Variants in SDK1 observed in about 807,000 individuals in gnomAD.
SDK1 encodes the protein protein sidekick-1.
A neutral mutation model predicts 245.5 loss-of-function variants in SDK1; 157 were observed. The ratio of observed to expected loss-of-function variants is 0.64; its 90% confidence interval spans 0.56 to 0.73. The LOEUF (loss-of-function observed/expected upper bound fraction) is 0.73, where lower values mean the gene tolerates loss of function less well. Ranked by LOEUF, SDK1 falls within the 30% of genes least tolerant of loss-of-function variation. SDK1 has a pLI of 0.00. For missense variants in SDK1, 3,583 were observed against 3,002.3 expected (o/e 1.19, Z -4.52); for synonymous variants, 1,647 against 1,278.5 (o/e 1.29, Z -6.15).
intron 1 of SDK1, among the ~76,000 whole-genome samples, chr7:3,476,532 A>AGTTTG (rs946748289): frequency 6.6e-6 from 1 of 152,202 alleles, no homozygotes; most frequent in Non-Finnish European, 1.5e-5. Context: ...ATTACCAAAA[A>AGTTTG]GTTTGGGGTC....
intron 1 of SDK1, among the ~76,000 whole-genome samples, chr7:3,562,779 C>G (rs548564913): frequency 2.0e-5 from 3 of 152,194 alleles, no homozygotes; most frequent in South Asian, 4.1e-4. Flanking sequence ...CCAATTGTCA[C>G]TCACACGTGA....
chr7:4,139,499 G>GTGTA (rs1779349871), intron 28 of SDK1, among the ~76,000 whole-genome samples: 2 of 141,452 alleles, frequency 1.4e-5, no homozygotes, highest in Non-Finnish European at 1.5e-5. Context: ...ATATATGTGT[G>GTGTA]TGTGTATATG....
intron 1 of SDK1, among the ~76,000 whole-genome samples, chr7:3,332,460 G>A (rs1562419832): frequency 6.6e-6 from 1 of 152,086 alleles, no homozygotes; most frequent in Non-Finnish European, 1.5e-5. Flanking sequence ...CTTAAAAATT[G>A]CCCTTTTTCA....
intron 2 of SDK1, among the ~76,000 whole-genome samples, chr7:3,632,635 C>G (rs957129710): frequency 6.6e-6 from 1 of 152,166 alleles, no homozygotes; most frequent in Admixed American, 6.5e-5. Context: ...GATTAAATAA[C>G]TTTTACAAAT....
At position 4,187,214 on chromosome 7, in the gene SDK1, C is replaced by T. The variant is rs572103585; in HGVS notation, c.5098+8628C>T. Among the ~76,000 whole-genome samples the T allele has an allele frequency of 3.2e-4, 49 of 152,216 alleles. 1 individual carries two copies. In the South Asian group the frequency reaches 9.9e-3, roughly 31 times the overall value. On this transcript the variant is annotated intron_variant, in intron 35 of 44. Transcript: ENST00000404826. Reference sequence around the variant, plus strand: ...CTGAGGGAGTGGGGAGGGCTGGGTCCCATGTGGGGGTAAACCTCCATAGTT... The same window carrying T: ...CTGAGGGAGTGGGGAGGGCTGGGTCTCATGTGGGGGTAAACCTCCATAGTT...
intron 37 of SDK1, among the ~76,000 whole-genome samples, chr7:4,208,805 G>A (rs981281360): frequency 1.3e-5 from 2 of 152,240 alleles, no homozygotes; most frequent in Non-Finnish European, 2.9e-5. Context: ...GCTCAGACAG[G>A]TGCTGCGCTG....
chr7:3,461,725 C>G (rs1780836444), intron 1 of SDK1, among the ~76,000 whole-genome samples: 1 of 152,070 alleles, frequency 6.6e-6, no homozygotes, highest in Admixed American at 6.6e-5. Flanking sequence ...GAAACAGAAG[C>G]CATTAGATGG....
chr7:3,328,797 A>C lies in SDK1; in HGVS notation c.298+26913A>C, dbSNP rs182679517. ...GTGACTGAAGTATTCCACATGGACT[A>C]TACAGTTCAGTTAGTTCAGGTCATG... On this transcript the variant is annotated intron_variant, in intron 1 of 44. Coordinates refer to ENST00000404826, the MANE Select transcript of SDK1 (RefSeq NM_152744.4). Among the ~76,000 whole-genome samples the C allele has an allele frequency of 8.5e-4, 129 of 152,224 alleles. 3 individuals carry two copies. The highest frequency in any genetic ancestry group is 5.8e-3 in the East Asian group (30 of 5,186).
chr7:3,437,972 C>G (rs1780077983), intron 1 of SDK1, among the ~76,000 whole-genome samples: 1 of 152,106 alleles, frequency 6.6e-6, no homozygotes, highest in Non-Finnish European at 1.5e-5. Flanking sequence ...TTCTTTTACA[C>G]TCTCTCATTT....
At chr7:3,307,132 C>T (rs779697208) in intron 1 of SDK1, among the ~76,000 whole-genome samples, 1 of 152,146 alleles carries the variant, frequency 6.6e-6, no homozygotes, top group Non-Finnish European at 1.5e-5. Context: ...ATACATTTAA[C>T]CCAAAGTAAC....
Position 4,077,150 on chromosome 7 carries a change from C to G in SDK1, c.3163C>G (p.Leu1055Val), listed in dbSNP as rs762927240. The change falls in exon 21 of 45, where the codon CTG (leucine) becomes GTG (valine). Residue 1055 changes from leucine to valine, a missense_variant. Leu to Val is a conservative substitution (Grantham distance 32). Coordinates refer to ENST00000404826, the MANE Select transcript of SDK1 (RefSeq NM_152744.4). The stretch of plus-strand genomic sequence containing the variant: ...CGCTGTGACTGCCGTGGGCACTGGC[C>G]TGGTGACTTCATCCACCATTTCTTC... The part of the protein sequence containing the change: ...VAAVTAVGTG[L>V]VTSSTISSGV... The G allele has an allele frequency of 4.4e-5, 71 of 1,614,136 alleles. No individual in the cohort carries two copies. The highest frequency in any genetic ancestry group is 5.7e-5 in the Non-Finnish European group (67 of 1,180,046).
At chr7:3,496,748 T>G (rs1295393960) in intron 1 of SDK1, among the ~76,000 whole-genome samples, 2 of 152,234 alleles carry the variant, frequency 1.3e-5, no homozygotes, top group Non-Finnish European at 2.9e-5. Context: ...TGTTACATTC[T>G]GAAAGCATAA....
intron 2 of SDK1, among the ~76,000 whole-genome samples, chr7:3,622,502 A>G (rs1781972980): frequency 2.6e-5 from 4 of 152,316 alleles, no homozygotes; most frequent in Admixed American, 2.0e-4. Context: ...TTTTAAAAAA[A>G]TGGTGTAACG....
At chr7:3,495,607 T>A (rs979810297) in intron 1 of SDK1, among the ~76,000 whole-genome samples, 1 of 152,188 alleles carries the variant, frequency 6.6e-6, no homozygotes, top group African/African-American at 2.4e-5. Flanking sequence ...CTTTGCAACA[T>A]TGATGAAATT....
At chr7:3,419,172 G>A (rs1229348762) in intron 1 of SDK1, among the ~76,000 whole-genome samples, 1 of 152,208 alleles carries the variant, frequency 6.6e-6, no homozygotes, top group African/African-American at 2.4e-5. Context: ...AATCTTTGCA[G>A]CAAATCCTGT....
chr7:4,212,617 G>C (rs1388175494), intron 38 of SDK1, among the ~76,000 whole-genome samples: 2 of 152,164 alleles, frequency 1.3e-5, no homozygotes, highest in Admixed American at 1.3e-4. Flanking sequence ...CCTGGACGAG[G>C]CTGCCTTCGA....
At chr7:3,659,471 C>G (rs1192815851) in intron 4 of SDK1, among the ~76,000 whole-genome samples, 1 of 152,176 alleles carries the variant, frequency 6.6e-6, no homozygotes, top group Non-Finnish European at 1.5e-5. Context: ...GGCTGGACAT[C>G]TGCGTTTAGT....
intron 4 of SDK1, among the ~76,000 whole-genome samples, chr7:3,751,155 C>T (rs1417262176): frequency 1.3e-5 from 2 of 152,214 alleles, no homozygotes; most frequent in African/African-American, 4.8e-5. Context: ...CCTGAGGGCT[C>T]TTGCTCCTGG....
chr7:3,965,767 C>CT (rs1227552623), intron 9 of SDK1, among the ~76,000 whole-genome samples: 3 of 124 alleles, frequency 0.024, no homozygotes, highest in East Asian at 0.17. Flanking sequence ...GCATATTGAG[C>CT]CGGGGCCTCC....
Sources: gnomAD v4.1 joint callset for allele counts (sites outside exome capture counted in the v4.1 genomes callset) on GRCh38, gnomAD v4.1.1 for gene constraint, MANE v1.5 for transcripts, NCBI Gene and HGNC (gene_info 2026-07-23, HGNC 2026-07-21) for gene names.